GABRB3: variants seen among roughly 807,000 people sequenced by gnomAD.
GABRB3 encodes gamma-aminobutyric acid type A receptor subunit beta3.
Under a neutral mutation model 52.1 loss-of-function variants are expected in GABRB3, and 14 were observed. That is an observed-to-expected ratio of 0.27 (90% CI 0.18 to 0.42). GABRB3 has a LOEUF of 0.42. Ranked by LOEUF, GABRB3 falls within the 10% of genes least tolerant of loss-of-function variation. The pLI is 1.00. For missense variants in GABRB3, 307 were observed against 609.1 expected (o/e 0.50, Z 5.22); for synonymous variants, 260 against 232.3 (o/e 1.12, Z -1.08).
At chr15:26,555,019 A>AAT (rs940320643) in intron 8 of GABRB3, among the ~76,000 whole-genome samples, 43 of 151,926 alleles carry the variant, frequency 2.8e-4, no homozygotes, top group South Asian at 1.5e-3. Context: ...CTCTACTAAA[A>AAT]ATATATATAT....
At chr15:26,583,966 C>T (rs1283597731) in intron 4 of GABRB3, among the ~76,000 whole-genome samples, 4 of 151,902 alleles carry the variant, frequency 2.6e-5, no homozygotes, top group African/African-American at 4.8e-5. Flanking sequence ...TTAGTACAGA[C>T]GGGGTTTCAC....
At chr15:26,551,605 G>T (rs1889466277) in intron 8 of GABRB3, among the ~76,000 whole-genome samples, 1 of 152,196 alleles carries the variant, frequency 6.6e-6, no homozygotes, top group African/African-American at 2.4e-5. Context: ...TGAGCTCCTA[G>T]CAGGAGCGTC....
At chr15:26,616,027 G>A (rs1369563088) in intron 4 of GABRB3, 3 of 1,289,090 alleles carry the variant, frequency 2.3e-6, no homozygotes, top group Non-Finnish European at 3.0e-6. Flanking sequence ...GTTCTCAGCT[G>A]TGCCAGACCT....
At chr15:26,760,485 A>G (rs1014855428) in intron 3 of GABRB3, among the ~76,000 whole-genome samples, 3 of 152,210 alleles carry the variant, frequency 2.0e-5, no homozygotes, top group African/African-American at 7.2e-5. Context: ...CTCTAAAGGC[A>G]AAATACCCTG....
At chr15:26,727,585 G>A (rs868528107) in intron 3 of GABRB3, among the ~76,000 whole-genome samples, 2 of 152,102 alleles carry the variant, frequency 1.3e-5, no homozygotes, top group African/African-American at 2.4e-5. Flanking sequence ...TGAAATCAGG[G>A]ATTGCTCCTA....
upstream of GABRB3, chr15:26,773,069 C>G (rs994490099): frequency 3.6e-5 from 38 of 1,052,026 alleles, no homozygotes; most frequent in Non-Finnish European, 4.4e-5. Context: ...GCCGCGCTGG[C>G]CCGGAGCGGA....
At chr15:26,693,614 G>C (rs1020692611) in intron 3 of GABRB3, among the ~76,000 whole-genome samples, 6 of 152,076 alleles carry the variant, frequency 3.9e-5, no homozygotes, top group Non-Finnish European at 7.4e-5. Flanking sequence ...AGAAAAAAAA[G>C]CTGAACAAAC....
chr15:26,773,073 G>C (rs1891203271), upstream of GABRB3: 1 of 1,039,214 alleles, frequency 9.6e-7, no homozygotes, highest in Non-Finnish European at 1.2e-6. Flanking sequence ...CGCTGGCCCG[G>C]AGCGGAGGAG....
chr15:26,601,988 A>T (rs1023770591), intron 4 of GABRB3, among the ~76,000 whole-genome samples: 1 of 152,134 alleles, frequency 6.6e-6, no homozygotes, highest in African/African-American at 2.4e-5. Context: ...AGAACACAAG[A>T]CCTAATGATC....
chr15:26,636,007 G>T (rs530723487), intron 3 of GABRB3, among the ~76,000 whole-genome samples: 1 of 152,238 alleles, frequency 6.6e-6, no homozygotes, highest in South Asian at 2.1e-4. Flanking sequence ...GCTATTAATT[G>T]GATAAATATT....
intron 3 of GABRB3, among the ~76,000 whole-genome samples, chr15:26,679,323 G>C (rs879343355): frequency 1.3e-5 from 2 of 152,062 alleles, no homozygotes; most frequent in Non-Finnish European, 2.9e-5. Context: ...GCACAGGCTG[G>C]CATCTACCTT....
intron 3 of GABRB3, among the ~76,000 whole-genome samples, chr15:26,698,884 C>A (rs1888834446): frequency 6.6e-6 from 1 of 152,134 alleles, no homozygotes; most frequent in Non-Finnish European, 1.5e-5. Context: ...TCAACTAAAA[C>A]AATGACAAAA....
At chr15:26,678,588 G>A (rs1350895121) in intron 3 of GABRB3, among the ~76,000 whole-genome samples, 1 of 152,254 alleles carries the variant, frequency 6.6e-6, no homozygotes, top group Middle Eastern at 3.4e-3. Flanking sequence ...GAGGCAAAGA[G>A]AGGGGGAGAG....
intron 3 of GABRB3, among the ~76,000 whole-genome samples, chr15:26,680,463 T>G (rs1215684543): frequency 9.1e-6 from 1 of 109,818 alleles, no homozygotes; most frequent in Non-Finnish European, 2.1e-5. Flanking sequence ...ATGGGCACCC[T>G]ACAGCCTTGT....
intron 3 of GABRB3, among the ~76,000 whole-genome samples, chr15:26,721,748 A>G (rs1490538684): frequency 6.6e-6 from 1 of 151,946 alleles, no homozygotes; most frequent in African/African-American, 2.4e-5. Flanking sequence ...TCAAATGTCT[A>G]CAGTGCTCCC....
chr15:26,757,910 C>T (rs1890705481), intron 3 of GABRB3, among the ~76,000 whole-genome samples: 1 of 152,164 alleles, frequency 6.6e-6, no homozygotes, highest in Non-Finnish European at 1.5e-5. Flanking sequence ...AGCATCAAAA[C>T]TAGTGTTTTG....
chr15:26,593,584 C>T (rs1891284172), intron 4 of GABRB3, among the ~76,000 whole-genome samples: 1 of 152,024 alleles, frequency 6.6e-6, no homozygotes, highest in Admixed American at 6.6e-5. Flanking sequence ...TCTTTTTCTG[C>T]CTGGTTTAGT....
chr15:26,629,112 C>A (rs1892828994), intron 3 of GABRB3: 11 of 1,534,864 alleles, frequency 7.2e-6, no homozygotes, highest in Middle Eastern at 1.7e-4. Flanking sequence ...TCCATCTCTG[C>A]TCTTTACAGG....
At position 26,708,589 on chromosome 15, in the gene GABRB3, C is replaced by T. The variant is rs532187443; in HGVS notation, c.240+63813G>A. On this transcript the variant is annotated intron_variant, in intron 3 of 8. Transcript: ENST00000311550. ...TGAAAGAATACCTCCAGGGAATAGG[C>T]GATGAAGCTCAACTCCAAAAAGAGT... Among the ~76,000 whole-genome samples the T allele has an allele frequency of 9.7e-4, 147 of 152,188 alleles. 5 individuals carry two copies. The South Asian group carries it at 0.029, about 30-fold the overall frequency.
Sources: gnomAD v4.1 joint callset for allele counts (sites outside exome capture counted in the v4.1 genomes callset) on GRCh38, gnomAD v4.1.1 for gene constraint, MANE v1.5 for transcripts, NCBI Gene and HGNC (gene_info 2026-07-23, HGNC 2026-07-21) for gene names.